SUSD1: variants seen among roughly 807,000 people sequenced by gnomAD.
The protein encoded by SUSD1 is sushi domain containing 1.
A neutral mutation model predicts 86.9 loss-of-function variants in SUSD1; 65 were observed. The ratio of observed to expected loss-of-function variants is 0.75; its 90% CI spans 0.61 to 0.92. SUSD1 has a LOEUF of 0.92. Among genes scored for constraint, SUSD1 ranks in the 40% least tolerant of loss-of-function variants. The probability of loss-of-function intolerance (pLI) is 0.00; values close to 1 mark genes in which losing one functional copy is unlikely to be tolerated. For missense variants in SUSD1, 850 were observed against 929.7 expected, an observed-to-expected ratio of 0.91 and a Z score of 1.11; for synonymous variants, 346 against 350.0, an observed-to-expected ratio of 0.99 and a Z score of 0.13.
intron 15 of SUSD1, among the ~76,000 whole-genome samples, chr9:112,051,389 G>A (rs1828186246): frequency 6.7e-6 from 1 of 149,508 alleles, no homozygotes; most frequent in Admixed American, 6.7e-5. Flanking sequence ...ATTTTGTTAA[G>A]GGAAGAAGTT....
chr9:112,098,711 A>C, intron 9 of SUSD1, 49 bp from the exon 10 acceptor site: 1 of 1,569,126 alleles, frequency 6.4e-7, no homozygotes, highest in Non-Finnish European at 8.8e-7. Flanking sequence ...CCATTGACTA[A>C]CAGGTGCCTA....
chr9:112,104,109 G>A (rs144989682), intron 8 of SUSD1, among the ~76,000 whole-genome samples: 69 of 151,578 alleles, frequency 4.6e-4, no homozygotes, highest in African/African-American at 1.4e-3. Context: ...TCCACCTCCC[G>A]GGCTCAAGCA....
At chr9:112,122,682 A>G (rs531369365) in intron 6 of SUSD1, among the ~76,000 whole-genome samples, 1 of 152,310 alleles carries the variant, frequency 6.6e-6, no homozygotes, top group African/African-American at 2.4e-5. Flanking sequence ...TTGTACACAC[A>G]TTTCATAGCA....
In SUSD1 at chr9:112,124,444, G is replaced by A. The variant is rs1831684706; in HGVS notation, c.707-8C>T. On this transcript the variant is annotated splice_polypyrimidine_tract_variant and splice_region_variant and intron_variant, in intron 5 of 16. Coordinates refer to ENST00000374270, the MANE Select transcript of SUSD1 (RefSeq NM_022486.5). Reference sequence around the variant, plus strand: ...GGTTGCCACAGTTGATCTCTGCAATGGGAACCAAGACAGCACTGGTTATAA... The same window carrying A: ...GGTTGCCACAGTTGATCTCTGCAATAGGAACCAAGACAGCACTGGTTATAA... The A allele has an allele frequency of 6.2e-7, 1 of 1,612,912 alleles. No homozygotes were observed. Among genetic ancestry groups the A allele is most frequent in the African/African-American group, 1.3e-5 (1 of 75,018 alleles).
intron 1 of SUSD1, among the ~76,000 whole-genome samples, chr9:112,174,268 A>G (rs1426174429): frequency 1.3e-5 from 2 of 152,130 alleles, no homozygotes; most frequent in East Asian, 3.9e-4. Flanking sequence ...TCCAAATATG[A>G]CCAATCATTG....
chr9:112,157,176 G>C (rs1833364765), intron 2 of SUSD1, among the ~76,000 whole-genome samples: 1 of 152,162 alleles, frequency 6.6e-6, no homozygotes, highest in Admixed American at 6.5e-5. Context: ...AAAATAACCA[G>C]AGAAATTAAG....
chr9:112,087,680 A>C (rs1444443424), intron 10 of SUSD1, among the ~76,000 whole-genome samples: 1 of 152,218 alleles, frequency 6.6e-6, no homozygotes, highest in Non-Finnish European at 1.5e-5. Flanking sequence ...AATAATAAAA[A>C]TGAGATCAAA....
intron 10 of SUSD1, among the ~76,000 whole-genome samples, chr9:112,087,021 A>T (rs1830015085): frequency 6.7e-6 from 1 of 150,324 alleles, no homozygotes; most frequent in Admixed American, 6.6e-5. Context: ...ATACATATAA[A>T]ATAAAAACAA....
chr9:112,123,674 C>T (rs1030121229), intron 6 of SUSD1, among the ~76,000 whole-genome samples: 1 of 151,978 alleles, frequency 6.6e-6, no homozygotes, highest in Non-Finnish European at 1.5e-5. Context: ...GTGGTGGGCA[C>T]CTGTATTCCC....
rs150568844 is a variant in SUSD1, at chr9:112,137,145, C to T, written c.706+5175G>A. On this transcript the variant is annotated intron_variant, in intron 5 of 16. Transcript: ENST00000374270. ...AATACCAATCTATAAAACTTACACACCTTAAAGAGCTGGCCACCTCTAGAG... is the reference window on the plus strand; with the variant it reads ...AATACCAATCTATAAAACTTACACATCTTAAAGAGCTGGCCACCTCTAGAG... Among the ~76,000 whole-genome samples the T allele has an allele frequency of 4.6e-3, 706 of 152,260 alleles. 4 individuals are homozygous for T. Among genetic ancestry groups the T allele is most frequent in the African/African-American group, 0.016 (651 of 41,542 alleles).
chr9:112,098,469 C>T lies in SUSD1; in HGVS notation c.1474+1G>A, dbSNP rs1230131130. Reference sequence around the variant, plus strand: ...CAAAAAAGAAAGACGTCTACACCCACCTGCTGGGGGAGTTGCTATTGTTAT... The same window carrying T: ...CAAAAAAGAAAGACGTCTACACCCATCTGCTGGGGGAGTTGCTATTGTTAT... On this transcript the variant is annotated splice_donor_variant, in intron 10 of 16. Coordinates refer to ENST00000374270, the MANE Select transcript of SUSD1 (RefSeq NM_022486.5). LOFTEE classifies it high-confidence loss of function. 3 of 1,613,774 alleles carry T rather than the reference C, an allele frequency of 1.9e-6. No individual in the cohort carries two copies. In the African/African-American group the frequency reaches 4.0e-5, roughly 22 times the overall value.
At chr9:112,093,549 C>T (rs1056216495) in intron 10 of SUSD1, among the ~76,000 whole-genome samples, 1 of 152,196 alleles carries the variant, frequency 6.6e-6, no homozygotes, top group African/African-American at 2.4e-5. Flanking sequence ...ATAGCTAAAC[C>T]TCATCCTTCA....
At chr9:112,051,408 C>CTTTTTTTTTTT (rs746946192) in intron 15 of SUSD1, among the ~76,000 whole-genome samples, 150 of 76,980 alleles carry the variant, frequency 1.9e-3, no homozygotes, top group Non-Finnish European at 2.3e-3. Flanking sequence ...TTTTTCTTTT[C>CTTTTTTTTTTT]TTTTTTTTTT....
At chr9:112,078,151 C>G (rs1829599754) in intron 12 of SUSD1, among the ~76,000 whole-genome samples, 1 of 152,108 alleles carries the variant, frequency 6.6e-6, no homozygotes, top group African/African-American at 2.4e-5. Flanking sequence ...TCGAGACCAG[C>G]CTAGGCAACA....
chr9:112,169,365 C>CGGAA (rs1833945259), intron 1 of SUSD1: 1 of 151,068 alleles, frequency 6.6e-6, no homozygotes, highest in African/African-American at 2.4e-5. Context: ...CTACTCTTTC[C>CGGAA]CCCTTCTCAC....
At chr9:112,078,809 C>CTATTT in intron 11 of SUSD1, 85 bp from the exon 12 acceptor site, 23 of 829,646 alleles carry the variant, frequency 2.8e-5, no homozygotes, top group Non-Finnish European at 3.6e-5. Context: ...CTTTTTCTTT[C>CTATTT]TCTTTTTTTT....
chr9:112,081,765 C>T (rs187191270), intron 10 of SUSD1, among the ~76,000 whole-genome samples: 2 of 152,222 alleles, frequency 1.3e-5, no homozygotes, highest in Admixed American at 1.3e-4. Context: ...ACAAAGAAGT[C>T]AGTAGTACAT....
chr9:112,124,427 C>A lies in SUSD1; in HGVS notation c.716G>T (p.Cys239Phe). The A allele has an allele frequency of 6.2e-7, 1 of 1,613,786 alleles. No homozygotes were observed. Among genetic ancestry groups the A allele is most frequent in the Non-Finnish European group, 8.5e-7 (1 of 1,179,798 alleles). The change falls in exon 6 of 17, where the codon TGT becomes TTT. Residue 239 changes from cysteine (C) to phenylalanine (F), a missense_variant. Cys to Phe is a radical substitution (Grantham distance 205). Transcript: ENST00000374270. ...SPKLHCQEIN[C>F]GNPPEMRHAI... The stretch of plus-strand genomic sequence containing the variant: ...GTGCCGCATTTCTGGAGGGTTGCCA[C>A]AGTTGATCTCTGCAATGGGAACCAA...
chr9:112,105,610 T>G (rs567294773), intron 8 of SUSD1, among the ~76,000 whole-genome samples: 76 of 152,180 alleles, frequency 5.0e-4, no homozygotes, highest in African/African-American at 1.8e-3. Context: ...TCCCAGCCAC[T>G]CAGGAGGCTG....
Sources: gnomAD v4.1 joint callset for allele counts (sites outside exome capture counted in the v4.1 genomes callset) on GRCh38, gnomAD v4.1.1 for gene constraint, MANE v1.5 for transcripts, NCBI Gene and HGNC (gene_info 2026-07-23, HGNC 2026-07-21) for gene names.